TADA1: variants seen among roughly 807,000 people sequenced by gnomAD.
TADA1 encodes transcriptional adaptor 1, also known as transcriptional adapter 1.
In TADA1, 23 loss-of-function variants were observed where a neutral mutation model predicts 39.3. That is an observed-to-expected ratio of 0.58 (90% confidence interval 0.42 to 0.83). TADA1 has a LOEUF of 0.83. TADA1 is among the 40% of genes least tolerant of loss of function. The probability of loss-of-function intolerance (pLI) is 0.00; values close to 1 mark genes in which losing one functional copy is unlikely to be tolerated. For missense variants in TADA1, 352 were observed against 408.1 expected (o/e 0.86, Z 1.18); for synonymous variants, 137 against 151.8 (o/e 0.90, Z 0.72).
intron 3 of TADA1, among the ~76,000 whole-genome samples, chr1:166,867,953 C>T (rs1004076791): frequency 3.9e-5 from 6 of 152,134 alleles, no homozygotes; most frequent in African/African-American, 9.7e-5. Context: ...ATAGATAAAA[C>T]ATGAGCTTTC....
chr1:166,863,622 C>T (rs1242418350), intron 4 of TADA1, among the ~76,000 whole-genome samples: 3 of 152,222 alleles, frequency 2.0e-5, no homozygotes, highest in Non-Finnish European at 4.4e-5. Flanking sequence ...GATAACATTA[C>T]TATTTAAGCA....
At chr1:166,862,692 G>A (rs1658441584) in intron 4 of TADA1, 1 of 452,094 alleles carries the variant, frequency 2.2e-6, no homozygotes, top group Non-Finnish European at 4.0e-6. Context: ...ATGGCACTGT[G>A]TTAAAAATAA....
At chr1:166,859,068 T>TA (rs1282385326) in intron 6 of TADA1, among the ~76,000 whole-genome samples, 1 of 152,166 alleles carries the variant, frequency 6.6e-6, no homozygotes, top group East Asian at 1.9e-4. Flanking sequence ...CCCAAACAGA[T>TA]ACGCCTGAAT....
intron 4 of TADA1, 98 bp downstream of exon 4, chr1:166,863,726 A>T: frequency 9.1e-7 from 1 of 1,093,424 alleles, no homozygotes; most frequent in Admixed American, 2.0e-5. Context: ...TTTCAACTCT[A>T]CTACCAGTAT....
chr1:166,857,974 T>C (rs1658319038), intron 7 of TADA1, 145 bp downstream of exon 7: 1 of 1,081,328 alleles, frequency 9.2e-7, no homozygotes, highest in Non-Finnish European at 1.3e-6. Context: ...AAAATGAGGC[T>C]AGTATTAATA....
At chr1:166,864,278 C>T (rs1178624976) in intron 3 of TADA1, among the ~76,000 whole-genome samples, 1 of 152,118 alleles carries the variant, frequency 6.6e-6, no homozygotes, top group Non-Finnish European at 1.5e-5. Context: ...TCCCAAGACG[C>T]TACAAAATAT....
At position 166,869,778 on chromosome 1, in the gene TADA1, G is replaced by T. The variant is rs1461117238; in HGVS notation, c.151C>A (p.Leu51Ile). The change falls in exon 2 of 8, where the codon CTC (leucine) becomes ATC (isoleucine). Residue 51 changes from leucine (L) to isoleucine (I), a missense_variant. Physicochemically the swap from Leu to Ile is conservative, Grantham distance 5 (BLOSUM62 2). This residue lies in a region of TADA1 where 36 missense variants were observed against 72.0 expected (regional missense o/e 0.50). Coordinates refer to ENST00000367874, the MANE Select transcript of TADA1 (RefSeq NM_053053.4). ...ATTATTTTACCATTATCCTGTGTGA[G>T]AAGTCTATGAGCTTCAAGGTCAAAC... is the stretch of plus-strand genomic sequence containing the variant. Reference protein sequence around the residue: ...EEFDLEAHRLLTQDNVHSHND... With the variant: ...EEFDLEAHRLITQDNVHSHND... The T allele has an allele frequency of 6.2e-7, 1 of 1,613,482 alleles. No homozygotes were observed. Among genetic ancestry groups the T allele is most frequent in the East Asian group, 2.2e-5 (1 of 44,840 alleles).
intron 1 of TADA1, among the ~76,000 whole-genome samples, chr1:166,872,924 A>G (rs576886662): frequency 6.6e-6 from 1 of 152,376 alleles, no homozygotes; most frequent in Non-Finnish European, 1.5e-5. Context: ...GGGTAGAAGT[A>G]TAAGTGGGTC....
chr1:166,857,552 C>A lies in TADA1; in HGVS notation c.*15G>T, dbSNP rs1369205378. On this transcript the variant is annotated 3_prime_UTR_variant, in exon 8 of 8. Coordinates refer to ENST00000367874, the MANE Select transcript of TADA1 (RefSeq NM_053053.4). Reference sequence around the variant, plus strand: ...CAATGAATTCGGTGAGGGTCCCACACCCTCAAATCCTAATTTAGCACAGCA... The same window carrying A: ...CAATGAATTCGGTGAGGGTCCCACAACCTCAAATCCTAATTTAGCACAGCA... 1 of 1,613,140 alleles carries A rather than the reference C, an allele frequency of 6.2e-7. No homozygotes were observed. The highest frequency in any genetic ancestry group is 8.5e-7 in the Non-Finnish European group (1 of 1,179,742).
chr1:166,857,571 C>G lies in TADA1; in HGVS notation c.1004G>C (p.Cys335Ser). 6.2e-7 allele frequency: 1 copy of G among 1,613,814 alleles called. No homozygotes were observed. Among genetic ancestry groups the G allele is most frequent in the Non-Finnish European group, 8.5e-7 (1 of 1,179,924 alleles). Residue 335 changes from cysteine to serine, a missense_variant, in exon 8 of 8, where the codon TGC becomes TCC. By Grantham distance (112) the Cys-to-Ser change is moderately radical (BLOSUM62 -1). This residue lies in a region of TADA1 where 285 missense variants were observed against 310.9 expected (regional missense o/e 0.92). Coordinates refer to ENST00000367874, the MANE Select transcript of TADA1 (RefSeq NM_053053.4). ...RLAAKEGLLL[C>S] is the part of the protein sequence containing the mutation. ...CCCACACCCTCAAATCCTAATTTAG[C>G]ACAGCAAAAGCCCCTCCTTGGCTGC...
chr1:166,861,536 GT>G, intron 5 of TADA1, among the ~76,000 whole-genome samples: 1 of 152,280 alleles, frequency 6.6e-6, no homozygotes, highest in South Asian at 2.1e-4. Flanking sequence ...GAATTCTGCT[GT>G]TCAGATGCCA....
chr1:166,857,777 C>T, intron 7 of TADA1, 58 bp from the exon 8 acceptor site: 1 of 1,572,426 alleles, frequency 6.4e-7, no homozygotes, highest in Non-Finnish European at 8.7e-7. Context: ...ATTTTTCTGA[C>T]ATATAAAAGG....
At chr1:166,874,649 G>A (rs920472815) in intron 1 of TADA1, among the ~76,000 whole-genome samples, 1 of 151,386 alleles carries the variant, frequency 6.6e-6, no homozygotes, top group African/African-American at 2.5e-5. Flanking sequence ...AGGATTAGCG[G>A]GGCGTGCCTA....
chr1:166,862,679 T>C (rs534168332), intron 4 of TADA1: 4 of 481,972 alleles, frequency 8.3e-6, no homozygotes, highest in Non-Finnish European at 1.5e-5. Context: ...GATCACAGAA[T>C]GTATGGCACT....
intron 1 of TADA1, among the ~76,000 whole-genome samples, chr1:166,873,486 A>G (rs1658698900): frequency 6.6e-6 from 1 of 152,154 alleles, no homozygotes; most frequent in African/African-American, 2.4e-5. Context: ...ACTCATATCC[A>G]GCCTCCGTGC....
intron 3 of TADA1, among the ~76,000 whole-genome samples, chr1:166,867,212 T>A (rs889302952): frequency 1.3e-5 from 2 of 152,218 alleles, no homozygotes; most frequent in African/African-American, 4.8e-5. Flanking sequence ...CTCTTGACTC[T>A]TATCAACCAG....
At chr1:166,860,523 G>C (rs1310491583) in intron 5 of TADA1, among the ~76,000 whole-genome samples, 186 bp from the exon 6 acceptor site, 1 of 152,178 alleles carries the variant, frequency 6.6e-6, no homozygotes, top group Non-Finnish European at 1.5e-5. Context: ...GGAGGGTATG[G>C]GAAAGAGGGG....
chr1:166,865,210 T>C (rs753613063), intron 3 of TADA1, among the ~76,000 whole-genome samples: 2 of 152,216 alleles, frequency 1.3e-5, no homozygotes, highest in Middle Eastern at 3.4e-3. Flanking sequence ...GCTATTAAAA[T>C]TGCTGAATTA....
chr1:166,876,186 G>A lies in TADA1; in HGVS notation c.48C>T (p.Ser16=), dbSNP rs1211676910. The A allele has an allele frequency of 1.2e-6, 2 of 1,613,640 alleles. No individual in the cohort carries two copies. The highest frequency in any genetic ancestry group is 1.3e-5 in the African/African-American group (1 of 74,906). ...GTTTCACGTTGTCCCCCAGGGCCTC[G>A]CTTAAGTTCTTCTTGGCCGCCTCCA... ...SELEAAKKNL[S]EALGDNVKQY... The change falls in exon 1 of 8, where the codon AGC becomes AGT. Residue 16 remains serine, a synonymous_variant. Coordinates refer to ENST00000367874, the MANE Select transcript of TADA1 (RefSeq NM_053053.4).
Sources: gnomAD v4.1 joint callset for allele counts (sites outside exome capture counted in the v4.1 genomes callset) on GRCh38, gnomAD v4.1.1 for gene constraint, gnomAD v4.1.1 regional missense constraint, MANE v1.5 for transcripts, NCBI Gene and HGNC (gene_info 2026-07-23, HGNC 2026-07-21) for gene names.